Variants in PAPSS2 observed in about 807,000 individuals in gnomAD.
PAPSS2 encodes bifunctional 3'-phosphoadenosine 5'-phosphosulfate synthase 2.
Under a neutral mutation model 66.5 loss-of-function variants are expected in PAPSS2, and 61 were observed. That is an observed-to-expected ratio of 0.92 (90% CI 0.75 to 1.14). The LOEUF (loss-of-function observed/expected upper bound fraction) is 1.14, where lower values mean the gene tolerates loss of function less well. Among genes scored for constraint, PAPSS2 ranks in the 50% most tolerant of loss-of-function variants. The pLI is 0.00. For missense variants in PAPSS2, 708 were observed against 789.6 expected (o/e 0.90, Z 1.24); for synonymous variants, 289 against 287.5 (o/e 1.01, Z -0.05).
intron 7 of PAPSS2, among the ~76,000 whole-genome samples, chr10:87,721,196 A>G (rs754797449): frequency 1.3e-5 from 2 of 152,254 alleles, no homozygotes; most frequent in Non-Finnish European, 2.9e-5. Context: ...AATATGTATT[A>G]GAAAGGTTAA....
intron 8 of PAPSS2, among the ~76,000 whole-genome samples, chr10:87,724,221 A>G (rs1425141166): frequency 2.6e-5 from 4 of 152,072 alleles, no homozygotes; most frequent in Admixed American, 6.6e-5. Context: ...CCAACTACAC[A>G]TTAACTATCT....
At chr10:87,688,419 A>G (rs1292091178) in intron 1 of PAPSS2, among the ~76,000 whole-genome samples, 2 of 118,260 alleles carry the variant, frequency 1.7e-5, no homozygotes, top group Middle Eastern at 4.5e-3. Flanking sequence ...AAAACCCTGA[A>G]GAACTATGGA....
chr10:87,725,427 A>G (rs1453033254), intron 8 of PAPSS2, among the ~76,000 whole-genome samples: 2 of 152,216 alleles, frequency 1.3e-5, no homozygotes, highest in South Asian at 4.1e-4. Flanking sequence ...GAGACTCAGC[A>G]TAATGGTGAG....
chr10:87,716,146 C>T (rs921166100), intron 7 of PAPSS2, among the ~76,000 whole-genome samples: 13 of 152,140 alleles, frequency 8.5e-5, no homozygotes, highest in East Asian at 1.9e-4. Flanking sequence ...GAAGGTAGCA[C>T]GCAGAAGTAC....
intron 1 of PAPSS2, among the ~76,000 whole-genome samples, chr10:87,671,371 C>T (rs1852876398): frequency 6.6e-6 from 1 of 152,144 alleles, no homozygotes; most frequent in African/African-American, 2.4e-5. Context: ...TAGATTTTAG[C>T]AAATGCTGTT....
intron 1 of PAPSS2, among the ~76,000 whole-genome samples, chr10:87,693,548 A>G (rs7906701): frequency 0.056 from 8,530 of 152,306 alleles, 795 homozygotes; most frequent in African/African-American, 0.19. Flanking sequence ...AGGAAGAAGC[A>G]GTGGAATAAC....
In PAPSS2 at chr10:87,714,062, A is replaced by C; in HGVS notation, c.400A>C (p.Lys134Gln). The change falls in exon 4 of 13, where the codon AAA becomes CAA. Residue 134 changes from lysine to glutamine, a missense_variant. Physicochemically the swap from Lys to Gln is moderately conservative, Grantham distance 53. Coordinates refer to ENST00000456849, the MANE Select transcript of PAPSS2 (RefSeq NM_001015880.2). ...PFAKDRENAR[K>Q]IHESAGLPFF... ...TTTTCAGGATCGTGAGAATGCCCGCAAAATACATGAATCAGCAGGGCTGCC... is the reference window on the plus strand; with the variant it reads ...TTTTCAGGATCGTGAGAATGCCCGCCAAATACATGAATCAGCAGGGCTGCC... 1.2e-6 allele frequency: 2 copies of C among 1,614,022 alleles called. No homozygotes were observed. The highest frequency in any genetic ancestry group is 1.7e-6 in the Non-Finnish European group (2 of 1,179,888).
chr10:87,672,779 C>T (rs1424333664), intron 1 of PAPSS2, among the ~76,000 whole-genome samples: 1 of 152,160 alleles, frequency 6.6e-6, no homozygotes, highest in Non-Finnish European at 1.5e-5. Context: ...TGGGCCAAAC[C>T]ACAGTCACCT....
At chr10:87,722,861 A>G (rs1381379702) in intron 8 of PAPSS2, among the ~76,000 whole-genome samples, 3 of 152,244 alleles carry the variant, frequency 2.0e-5, no homozygotes, top group Non-Finnish European at 4.4e-5. Flanking sequence ...TGGCATTATT[A>G]CTTGGCAGAA....
chr10:87,745,791 C>A, intron 12 of PAPSS2, 41 bp from the exon 13 acceptor site: 1 of 1,609,744 alleles, frequency 6.2e-7, no homozygotes, highest in South Asian at 1.1e-5. Flanking sequence ...AGGCAGATAT[C>A]ATTTACCTAC....
intron 9 of PAPSS2, among the ~76,000 whole-genome samples, chr10:87,739,248 T>C (rs935682394): frequency 6.6e-6 from 1 of 152,154 alleles, no homozygotes. Flanking sequence ...TTCCCAACAT[T>C]ATTTGTTGAA....
intron 1 of PAPSS2, among the ~76,000 whole-genome samples, chr10:87,689,693 A>G (rs2131912265): frequency 6.6e-6 from 1 of 151,460 alleles, no homozygotes. Flanking sequence ...GAAAAAAAAA[A>G]AGAACTGGGA....
chr10:87,709,323 G>A lies in PAPSS2; in HGVS notation c.145+10G>A. On this transcript the variant is annotated intron_variant, in intron 2 of 12. Transcript: ENST00000456849. ...ACCGTGTGGCTAACAGGTATGTCATGTTCATATATATATATATATATACAA... is the reference window on the plus strand; with the variant it reads ...ACCGTGTGGCTAACAGGTATGTCATATTCATATATATATATATATATACAA... 3.6e-6 allele frequency: 5 copies of A among 1,382,714 alleles called. No homozygotes were observed. Among genetic ancestry groups the A allele is most frequent in the Non-Finnish European group, 5.0e-6 (5 of 997,178 alleles). The allele number at this position is 1,382,714 out of a possible 1,614,324, so 85.7% of individuals were successfully genotyped here.
chr10:87,661,238 TG>T (rs987397933), intron 1 of PAPSS2, among the ~76,000 whole-genome samples: 1 of 151,030 alleles, frequency 6.6e-6, no homozygotes, highest in African/African-American at 2.4e-5. Context: ...GAGAACAGGG[TG>T]GGGGCTCTGT....
At chr10:87,669,537 T>A (rs1473687258) in intron 1 of PAPSS2, among the ~76,000 whole-genome samples, 1 of 152,252 alleles carries the variant, frequency 6.6e-6, no homozygotes, top group African/African-American at 2.4e-5. Context: ...TCATTTGACC[T>A]TTAAGTTAGC....
At chr10:87,708,205 C>G (rs1041816233) in intron 1 of PAPSS2, among the ~76,000 whole-genome samples, 1 of 152,202 alleles carries the variant, frequency 6.6e-6, no homozygotes, top group African/African-American at 2.4e-5. Flanking sequence ...AGTCTCTTAC[C>G]TCACTAAGCT....
At chr10:87,701,895 C>T (rs1003431968) in intron 1 of PAPSS2, among the ~76,000 whole-genome samples, 6 of 152,008 alleles carry the variant, frequency 3.9e-5, no homozygotes, top group African/African-American at 1.4e-4. Context: ...AATACAAACA[C>T]AAAAAAGTCA....
chr10:87,701,551 A>G (rs1853317586), intron 1 of PAPSS2, among the ~76,000 whole-genome samples: 1 of 151,638 alleles, frequency 6.6e-6, no homozygotes, highest in Non-Finnish European at 1.5e-5. Flanking sequence ...AGTTCCCTGC[A>G]TAGCTGGGAC....
chr10:87,682,377 T>G (rs545860970), intron 1 of PAPSS2, among the ~76,000 whole-genome samples: 2 of 152,288 alleles, frequency 1.3e-5, no homozygotes, highest in East Asian at 3.9e-4. Context: ...ACCCTTGGTT[T>G]TTGGCAGATT....
Sources: gnomAD v4.1 joint callset for allele counts (sites outside exome capture counted in the v4.1 genomes callset) on GRCh38, gnomAD v4.1.1 for gene constraint, MANE v1.5 for transcripts, NCBI Gene and HGNC (gene_info 2026-07-23, HGNC 2026-07-21) for gene names.